Variants in DHX29 observed in about 807,000 individuals in gnomAD.
The protein encoded by DHX29 is DExH-box helicase 29.
DHX29 carries 79 observed loss-of-function variants against 167.9 expected under a neutral mutation model. The observed-to-expected ratio is 0.47, with a 90% CI of 0.39 to 0.57. The LOEUF is 0.57. Among genes scored for constraint, DHX29 ranks in the 20% least tolerant of loss-of-function variants. DHX29 has a pLI of 0.00. For synonymous variants in DHX29, 530 were observed against 546.0 expected (o/e 0.97, Z 0.41); for missense variants, 1,347 against 1,593.4 (o/e 0.85, Z 2.63).
At chr5:55,290,908 A>G (rs1056162739) in intron 6 of DHX29, among the ~76,000 whole-genome samples, 1 of 152,084 alleles carries the variant, frequency 6.6e-6, no homozygotes, top group African/African-American at 2.4e-5. Context: ...CCAGCTACCC[A>G]GAAGGCTGAG....
chr5:55,283,946 ATGTG>A (rs1189521763), intron 10 of DHX29, 135 bp from the exon 11 acceptor site: 21 of 603,184 alleles, frequency 3.5e-5, no homozygotes, highest in South Asian at 5.8e-5. Flanking sequence ...TAATATATGT[ATGTG>A]TATGATGCAA....
chr5:55,302,556 A>G lies in DHX29; in HGVS notation c.188-3892T>C, dbSNP rs368698466. Among the ~76,000 whole-genome samples, 356 of 145,002 alleles carry G rather than the reference A, an allele frequency of 2.5e-3. 2 individuals are homozygous for G. In the Middle Eastern group the frequency reaches 0.025, roughly 10 times the overall value. Reference sequence around the variant, plus strand: ...GATTGCTTGAGCCTGGGAGGCAGAGATTGTAGTGAGCCACTGGGCGACAGA... The same window carrying G: ...GATTGCTTGAGCCTGGGAGGCAGAGGTTGTAGTGAGCCACTGGGCGACAGA... On this transcript the variant is annotated intron_variant, in intron 1 of 26. Coordinates refer to ENST00000251636, the MANE Select transcript of DHX29 (RefSeq NM_019030.4).
At chr5:55,299,881 C>G (rs1431892242) in intron 1 of DHX29, among the ~76,000 whole-genome samples, 1 of 152,146 alleles carries the variant, frequency 6.6e-6, no homozygotes, top group Non-Finnish European at 1.5e-5. Flanking sequence ...TGAACAGAAA[C>G]GCTGTCTAGT....
rs773686346 is a variant in DHX29, at chr5:55,281,546, T to G, written c.1966-31A>C. On this transcript the variant is annotated intron_variant, in intron 11 of 26. Transcript: ENST00000251636. ...GGGAGAACATAAGGCCTTGATTAGA[T>G]TCTCATGAGTAATATGGGAAACAAG... 6 of 1,476,880 alleles carry G rather than the reference T, an allele frequency of 4.1e-6. No individual in the cohort carries two copies. The Admixed American group carries it at 9.1e-5, about 22-fold the overall frequency. The allele number at this position is 1,476,880 out of a possible 1,614,324, so 91.5% of individuals were successfully genotyped here. A position where few individuals can be genotyped will look rare whatever the true frequency, so the allele number is the denominator to read the frequency against.
At chr5:55,268,468 A>T (rs1746690897) in intron 21 of DHX29, among the ~76,000 whole-genome samples, 1 of 152,180 alleles carries the variant, frequency 6.6e-6, no homozygotes, top group Admixed American at 6.5e-5. Flanking sequence ...TCTGTTGCCC[A>T]GGCTGGGGTG....
chr5:55,270,805 T>TA, intron 18 of DHX29, 99 bp from the exon 19 acceptor site: 2 of 858,202 alleles, frequency 2.3e-6, no homozygotes, highest in Non-Finnish European at 3.8e-6. Context: ...AACACAGGCT[T>TA]AAAAAATCCA....
chr5:55,263,137 A>T (rs546202184), intron 23 of DHX29, among the ~76,000 whole-genome samples: 54 of 152,254 alleles, frequency 3.5e-4, no homozygotes, highest in African/African-American at 1.2e-3. Flanking sequence ...TCACCCAAAG[A>T]CTTCAGGTGC....
Position 55,285,290 on chromosome 5 carries a change from T to C in DHX29, c.1356+3A>G, listed in dbSNP as rs1365188740. The C allele has an allele frequency of 2.5e-6, 4 of 1,613,570 alleles. No homozygotes were observed. Among genetic ancestry groups the C allele is most frequent in the Non-Finnish European group, 3.4e-6 (4 of 1,179,876 alleles). On this transcript the variant is annotated splice_donor_region_variant and intron_variant, in intron 10 of 26. Coordinates refer to ENST00000251636, the MANE Select transcript of DHX29 (RefSeq NM_019030.4). ...AGATATAGTTAGGCCTAAAAAGTCTTACCTGCCCTTTAACTAAACGGTAAA... is the reference window on the plus strand; with the variant it reads ...AGATATAGTTAGGCCTAAAAAGTCTCACCTGCCCTTTAACTAAACGGTAAA...
chr5:55,273,103 T>C (rs111584186), intron 17 of DHX29, among the ~76,000 whole-genome samples, 190 bp downstream of exon 17: 159 of 152,358 alleles, frequency 1.0e-3, no homozygotes, highest in African/African-American at 3.7e-3. Context: ...GCACATAATG[T>C]AAATATTCAA....
chr5:55,285,126 T>G (rs750276826), intron 10 of DHX29, among the ~76,000 whole-genome samples, 167 bp downstream of exon 10: 1 of 152,222 alleles, frequency 6.6e-6, no homozygotes, highest in Admixed American at 6.5e-5. Context: ...TTCAGACTTC[T>G]GGCCTAAGAG....
intron 23 of DHX29, 111 bp downstream of exon 23, chr5:55,267,027 G>GT: frequency 1.6e-6 from 1 of 639,566 alleles, no homozygotes; most frequent in Non-Finnish European, 2.7e-6. Context: ...TTCAACAAAT[G>GT]TTTACTAAGC....
At chr5:55,272,864 T>C (rs1355821144) in intron 17 of DHX29, among the ~76,000 whole-genome samples, 2 of 152,210 alleles carry the variant, frequency 1.3e-5, no homozygotes, top group Non-Finnish European at 2.9e-5. Context: ...GTTGTTGTCC[T>C]GGCTCTGTTA....
At position 55,278,142 on chromosome 5, in the gene DHX29, C is replaced by CG. The variant is rs137896550; in HGVS notation, c.2110-861dup. 5.1e-3 allele frequency among the ~76,000 whole-genome samples: 769 copies of CG among 152,152 alleles called. 5 individuals carry two copies. The highest frequency in any genetic ancestry group is 0.017 in the African/African-American group (722 of 41,494). ...AACACATGCATCTTAGGGAAGAGCACGGATGAGGTATACTGTCAGAACTTT... is the reference window on the plus strand; with the variant it reads ...AACACATGCATCTTAGGGAAGAGCACGGGATGAGGTATACTGTCAGAACTTT... On this transcript the variant is annotated intron_variant, in intron 12 of 26. Transcript: ENST00000251636.
chr5:55,304,029 T>C (rs920018656), intron 1 of DHX29, among the ~76,000 whole-genome samples: 2 of 152,214 alleles, frequency 1.3e-5, no homozygotes, highest in African/African-American at 4.8e-5. Context: ...CTTAAATTAC[T>C]GAACCTCTTA....
chr5:55,274,541 A>G, intron 16 of DHX29, 73 bp downstream of exon 16: 1 of 1,141,274 alleles, frequency 8.8e-7, no homozygotes, highest in Non-Finnish European at 1.2e-6. Context: ...GAAAACTCTG[A>G]TCAAGGGTTT....
chr5:55,304,917 AC>A (rs1296614678), intron 1 of DHX29, among the ~76,000 whole-genome samples: 3 of 152,194 alleles, frequency 2.0e-5, no homozygotes, highest in Non-Finnish European at 4.4e-5. Flanking sequence ...GGTTTATTGT[AC>A]GTTATACTAT....
intron 3 of DHX29, 146 bp from the exon 4 acceptor site, chr5:55,296,495 G>A (rs984690234): frequency 9.1e-7 from 1 of 1,095,196 alleles, no homozygotes; most frequent in Non-Finnish European, 1.2e-6. Context: ...AATGAAATGT[G>A]TTTACTGAAT....
intron 26 of DHX29, 123 bp from the exon 27 acceptor site, chr5:55,256,663 A>C: frequency 1.4e-6 from 1 of 714,448 alleles, no homozygotes; most frequent in Non-Finnish European, 2.1e-6. Flanking sequence ...CAGAATTAAC[A>C]CCAGTAATAA....
intron 1 of DHX29, among the ~76,000 whole-genome samples, chr5:55,303,328 C>G (rs1364532736): frequency 6.6e-6 from 1 of 152,126 alleles, no homozygotes; most frequent in Admixed American, 6.5e-5. Context: ...AACAGGGACT[C>G]TGGTGGTAAA....
Sources: gnomAD v4.1 joint callset for allele counts (sites outside exome capture counted in the v4.1 genomes callset) on GRCh38, gnomAD v4.1.1 for gene constraint, MANE v1.5 for transcripts, NCBI Gene and HGNC (gene_info 2026-07-23, HGNC 2026-07-21) for gene names.